Variants in ELAVL1 observed in about 807,000 individuals in gnomAD.
ELAVL1 encodes ELAV like RNA binding protein 1, also known as ELAV-like protein 1.
In ELAVL1, 1 loss-of-function variant was observed where a neutral mutation model predicts 28.4. The ratio of observed to expected loss-of-function variants is 0.04; its 90% confidence interval spans 0.01 to 0.17. ELAVL1 has a LOEUF of 0.17. Among genes scored for constraint, ELAVL1 ranks in the 10% least tolerant of loss-of-function variants. ELAVL1 has a pLI of 1.00. For synonymous variants in ELAVL1, 174 were observed against 183.5 expected (o/e 0.95, Z 0.42); for missense variants, 157 against 447.2 (o/e 0.35, Z 5.85).
At chr19:7,988,551 GA>G (rs1216207756) in intron 2 of ELAVL1, among the ~76,000 whole-genome samples, 1 of 151,740 alleles carries the variant, frequency 6.6e-6, no homozygotes, top group Non-Finnish European at 1.5e-5. Flanking sequence ...GATGCTTCTG[GA>G]AGGAGGTGGA....
chr19:7,968,035 A>G (rs1265425165), intron 4 of ELAVL1, among the ~76,000 whole-genome samples: 2 of 152,216 alleles, frequency 1.3e-5, no homozygotes, highest in Non-Finnish European at 2.9e-5. Context: ...TGGCGCCCAA[A>G]GATATTTTGG....
At chr19:7,966,061 C>T (rs576230282) in intron 5 of ELAVL1, among the ~76,000 whole-genome samples, 19 of 152,214 alleles carry the variant, frequency 1.2e-4, no homozygotes, top group South Asian at 6.2e-4. Context: ...ACGATGGGGC[C>T]GGGCTCACGC....
intron 4 of ELAVL1, among the ~76,000 whole-genome samples, chr19:7,968,954 G>C (rs1302070317): frequency 6.6e-6 from 1 of 152,192 alleles, no homozygotes; most frequent in Non-Finnish European, 1.5e-5. Context: ...AAGGCCCAGG[G>C]GTGGGAGAGG....
Position 7,981,499 on chromosome 19 carries a change from A to AG in ELAVL1, c.173-314dup, listed in dbSNP as rs1985462995. Among the ~76,000 whole-genome samples, 1 of 151,960 alleles carries AG rather than the reference A, an allele frequency of 6.6e-6. No homozygotes were observed. Among genetic ancestry groups the AG allele is most frequent in the African/African-American group, 2.4e-5 (1 of 41,364 alleles). ...CAGCCTCCAGAGTATCTGGGACTAC[A>AG]GGCCCGCTCCAGCAGGCCCAAGCTA... On this transcript the variant is annotated intron_variant, in intron 2 of 5. Coordinates refer to ENST00000407627, the MANE Select transcript of ELAVL1 (RefSeq NM_001419.3). The surrounding 1 kb of genome is among the most constrained non-coding windows in gnomAD (Gnocchi z 4.2).
At chr19:7,972,911 C>T (rs1026327141) in intron 4 of ELAVL1, 6 of 144,910 alleles carry the variant, frequency 4.1e-5, no homozygotes, top group African/African-American at 1.5e-4. Flanking sequence ...TCCTGGGGTC[C>T]AGGCGATTCT....
rs1985470553 is a variant in ELAVL1, at chr19:7,981,753, G to C, written c.173-567C>G. Among the ~76,000 whole-genome samples the C allele has an allele frequency of 1.3e-5, 2 of 152,210 alleles. No homozygotes were observed. The highest frequency in any genetic ancestry group is 4.8e-5 in the African/African-American group (2 of 41,444). On this transcript the variant is annotated intron_variant, in intron 2 of 5. Transcript: ENST00000407627. The surrounding 1 kb of genome is among the most constrained non-coding windows in gnomAD (Gnocchi z 4.2). The stretch of plus-strand genomic sequence containing the variant: ...TTTTAAAAATACTGTGCTACGGACA[G>C]CATCTTTCTGAAAGACCAGTCCCGT...
intron 1 of ELAVL1, among the ~76,000 whole-genome samples, chr19:8,002,712 A>C (rs1191297256): frequency 2.0e-5 from 3 of 152,228 alleles, no homozygotes; most frequent in Admixed American, 6.5e-5. Flanking sequence ...TCAAACGGCC[A>C]GTGAGCTCTG....
intron 5 of ELAVL1, among the ~76,000 whole-genome samples, chr19:7,966,997 C>A (rs1266616609): frequency 6.6e-6 from 1 of 151,638 alleles, no homozygotes; most frequent in African/African-American, 2.4e-5. Context: ...TGCTCACGCT[C>A]ACAGCAACTG....
chr19:7,999,979 G>A (rs1048397912), intron 1 of ELAVL1, among the ~76,000 whole-genome samples: 5 of 152,152 alleles, frequency 3.3e-5, no homozygotes, highest in South Asian at 2.1e-4. Context: ...GTTTCACTAC[G>A]TTGGCCAGGC....
At chr19:7,980,954 T>C in intron 3 of ELAVL1, 129 bp downstream of exon 3, 1 of 872,816 alleles carries the variant, frequency 1.1e-6, no homozygotes, top group Non-Finnish European at 1.9e-6. Context: ...GACCAGGGTA[T>C]CTGATGGGAG....
chr19:7,969,774 G>C (rs1305870326), intron 4 of ELAVL1, among the ~76,000 whole-genome samples: 1 of 152,264 alleles, frequency 6.6e-6, no homozygotes, highest in African/African-American at 2.4e-5. Context: ...ACGTGTGCAA[G>C]TGTGGCTTCC....
Position 8,005,610 on chromosome 19 carries a change from G to A in ELAVL1, c.-132C>T, listed in dbSNP as rs1410046413. 6.7e-6 allele frequency: 1 copy of A among 149,496 alleles called. No individual in the cohort carries two copies. The highest frequency in any genetic ancestry group is 1.5e-5 in the Non-Finnish European group (1 of 67,056). 9.3% of individuals were successfully genotyped at this position (149,496 alleles called of 1,614,324 possible). A position where few individuals can be genotyped will look rare whatever the true frequency, so the allele number is the denominator to read the frequency against. ...CGGTGGCGGCGGTGGCGGCGACGGC[G>A]ACGGCGGCAGCGGCTCCTCCTCAGC... On this transcript the variant is annotated 5_prime_UTR_variant, in exon 1 of 6. Transcript: ENST00000407627.
rs529542322 is a variant in ELAVL1 at position 8,000,458 on chromosome 19, G to A, written c.-17+5037C>T. Among the ~76,000 whole-genome samples, 7 of 152,280 alleles carry A rather than the reference G, an allele frequency of 4.6e-5. No individual in the cohort carries two copies. The East Asian group carries it at 7.7e-4, about 17-fold the overall frequency. On this transcript the variant is annotated intron_variant, in intron 1 of 5. Transcript: ENST00000407627. ...AGAATCACTTTCATTGCACCATGAC[G>A]GAGCAGGTATTCTAAACCACTTGAG...
Position 7,960,001 on chromosome 19 carries a change from T to TG in ELAVL1, c.*3481dup, listed in dbSNP as rs1802243464. The TG allele has an allele frequency of 6.6e-6, 1 of 152,204 alleles. No individual in the cohort carries two copies. Among genetic ancestry groups the TG allele is most frequent in the Non-Finnish European group, 1.5e-5 (1 of 68,026 alleles). 9.4% of individuals were successfully genotyped at this position (152,204 alleles called of 1,614,324 possible). A position where few individuals can be genotyped will look rare whatever the true frequency, so the allele number is the denominator to read the frequency against. Reference sequence around the variant, plus strand: ...AAAGCACATGGAAATAAAAGGGGGCTGAATCGGATGTGAAATGTAACAGCT... The same window carrying TG: ...AAAGCACATGGAAATAAAAGGGGGCTGGAATCGGATGTGAAATGTAACAGCT... On this transcript the variant is annotated 3_prime_UTR_variant, in exon 6 of 6. Transcript: ENST00000407627.
rs973326758 is a variant in ELAVL1, at chr19:7,962,128, A to G, written c.*1355T>C. On this transcript the variant is annotated 3_prime_UTR_variant, in exon 6 of 6. Coordinates refer to ENST00000407627, the MANE Select transcript of ELAVL1 (RefSeq NM_001419.3). The stretch of plus-strand genomic sequence containing the variant: ...AAAAGCCACCAGCCTGTAACTGCAC[A>G]TTCTTGCGTCACAGATTCAGAAATG... 4 of 153,736 alleles carry G rather than the reference A, an allele frequency of 2.6e-5. No individual in the cohort carries two copies. The highest frequency in any genetic ancestry group is 9.6e-5 in the African/African-American group (4 of 41,460). The allele number at this position is 153,736 out of a possible 1,614,324, so 9.5% of individuals were successfully genotyped here. A position where few individuals can be genotyped will look rare whatever the true frequency, so the allele number is the denominator to read the frequency against.
Position 7,963,415 on chromosome 19 carries a change from C to G in ELAVL1, c.*68G>C. ...AAATTGGCGCAAAATGAGTTGTACA[C>G]TAACAAGAAAAGTTTCAACTCCTTC... is the stretch of plus-strand genomic sequence containing the variant. On this transcript the variant is annotated 3_prime_UTR_variant, in exon 6 of 6. Coordinates refer to ENST00000407627, the MANE Select transcript of ELAVL1 (RefSeq NM_001419.3). This position sits in a 1 kb window ranked among gnomAD's most constrained non-coding sequence, Gnocchi z 4.5. The G allele has an allele frequency of 6.6e-7, 1 of 1,526,652 alleles. No homozygotes were observed. The highest frequency in any genetic ancestry group is 2.3e-5 in the East Asian group (1 of 44,136). 94.6% of individuals were successfully genotyped at this position (1,526,652 alleles called of 1,614,324 possible).
intron 1 of ELAVL1, chr19:8,002,317 C>T (rs1041796317): frequency 5.9e-5 from 22 of 371,732 alleles, no homozygotes; most frequent in Non-Finnish European, 1.1e-4. Flanking sequence ...CCACCCAGGT[C>T]CCTTTTCTGG....
At position 7,994,150 on chromosome 19, in the gene ELAVL1, C is replaced by T. The variant is rs150322561; in HGVS notation, c.-16-2319G>A. On this transcript the variant is annotated intron_variant, in intron 1 of 5. Transcript: ENST00000407627. ...CAGCAAAAGGCATCACAGACCTAGA[C>T]GAAGAGGAGTAGCCTAGAGAAAAGA... 3.0e-4 allele frequency among the ~76,000 whole-genome samples: 46 copies of T among 152,358 alleles called. No individual in the cohort carries two copies. In the East Asian group the frequency reaches 5.0e-3, roughly 17 times the overall value.
At chr19:7,996,151 T>C (rs1282439289) in intron 1 of ELAVL1, among the ~76,000 whole-genome samples, 3 of 151,876 alleles carry the variant, frequency 2.0e-5, no homozygotes, top group African/African-American at 4.8e-5. Context: ...ATTAGAATTA[T>C]AGGCGTAAGC....
Sources: allele counts gnomAD v4.1 joint callset (sites outside exome capture counted in the v4.1 genomes callset), GRCh38; gene constraint gnomAD v4.1.1; non-coding constraint Gnocchi (gnomAD v3.1); transcripts MANE v1.5; gene names NCBI Gene and HGNC (gene_info 2026-07-23, HGNC 2026-07-21).